Variants in RALYL observed in about 807,000 individuals in gnomAD.
RALYL encodes the protein RNA-binding Raly-like protein.
Under a neutral mutation model 35.1 loss-of-function variants are expected in RALYL, and 29 were observed. The observed-to-expected ratio is 0.83, with a 90% CI of 0.61 to 1.13. The LOEUF is 1.13. Ranked by LOEUF, RALYL falls within the 50% of genes most tolerant of loss-of-function variation. The pLI is 0.00. For missense variants in RALYL, 359 were observed against 360.4 expected (o/e 1.00, Z 0.03); for synonymous variants, 120 against 127.6 (o/e 0.94, Z 0.40).
In RALYL at chr8:84,579,565, C is replaced by G. The variant is rs57887229; in HGVS notation, c.256+49988C>G. ...TTAGTAATGGTGGTTCCAGACAGGG[C>G]TGGCATCAGCAGTACCATCAGCTTT... On this transcript the variant is annotated intron_variant, in intron 2 of 8. Coordinates refer to ENST00000521268, the MANE Select transcript of RALYL (RefSeq NM_173848.7). 9.5e-3 allele frequency among the ~76,000 whole-genome samples: 1,445 copies of G among 152,302 alleles called. 18 individuals are homozygous for G. Among genetic ancestry groups the G allele is most frequent in the African/African-American group, 0.032 (1,340 of 41,560 alleles).
intron 1 of RALYL, among the ~76,000 whole-genome samples, chr8:84,505,602 T>C (rs2057099976): frequency 1.3e-5 from 2 of 152,118 alleles, no homozygotes; most frequent in African/African-American, 4.8e-5. Flanking sequence ...TGTGCAAGTT[T>C]GTCACATGGG....
chr8:84,453,462 C>G (rs1486093188), intron 1 of RALYL, among the ~76,000 whole-genome samples: 1 of 151,874 alleles, frequency 6.6e-6, no homozygotes, highest in Non-Finnish European at 1.5e-5. Flanking sequence ...AGCTACAAAT[C>G]AAGAACACAT....
intron 2 of RALYL, among the ~76,000 whole-genome samples, chr8:84,569,169 T>C (rs2135744054): frequency 6.6e-6 from 1 of 152,164 alleles, no homozygotes; most frequent in South Asian, 2.1e-4. Context: ...TCTAGGGTTT[T>C]TATGGTTTTA....
chr8:84,683,736 G>A (rs193101160), intron 2 of RALYL, among the ~76,000 whole-genome samples: 2 of 152,168 alleles, frequency 1.3e-5, no homozygotes. Flanking sequence ...ACCCAGGCTG[G>A]AGTGCAGTGG....
At chr8:84,516,908 G>A (rs1057436051) in intron 1 of RALYL, among the ~76,000 whole-genome samples, 9 of 152,208 alleles carry the variant, frequency 5.9e-5, no homozygotes, top group African/African-American at 1.7e-4. Flanking sequence ...ACTACTTTCT[G>A]TCTCATCAGC....
intron 2 of RALYL, among the ~76,000 whole-genome samples, chr8:84,758,054 A>G (rs1811841731): frequency 1.3e-5 from 2 of 152,166 alleles, no homozygotes; most frequent in African/African-American, 4.8e-5. Flanking sequence ...ATGTGTAAAA[A>G]TTGATGAATG....
intron 2 of RALYL, among the ~76,000 whole-genome samples, chr8:84,592,709 A>G (rs1249858975): frequency 1.3e-5 from 2 of 152,174 alleles, no homozygotes; most frequent in Non-Finnish European, 2.9e-5. Context: ...CCACCAATTT[A>G]TGGTTAAACC....
chr8:84,205,167 A>T (rs1817772785), intron 1 of RALYL, among the ~76,000 whole-genome samples: 1 of 152,250 alleles, frequency 6.6e-6, no homozygotes, highest in Admixed American at 6.5e-5. Context: ...CTAATAAAAC[A>T]TATGTTGTTA....
At chr8:84,264,278 T>C (rs111370684) in intron 1 of RALYL, among the ~76,000 whole-genome samples, 21,479 of 152,040 alleles carry the variant, frequency 0.14, 2,056 homozygotes, top group African/African-American at 0.27. Context: ...CAGCATCTGT[T>C]GTTTCTTGGC....
At chr8:84,510,851 G>A (rs549904059) in intron 1 of RALYL, among the ~76,000 whole-genome samples, 2 of 151,360 alleles carry the variant, frequency 1.3e-5, no homozygotes, top group Non-Finnish European at 2.9e-5. Flanking sequence ...GGGGAAGCTT[G>A]TGATGTTTTG....
chr8:84,610,684 C>T (rs1818107574), intron 2 of RALYL, among the ~76,000 whole-genome samples: 1 of 152,062 alleles, frequency 6.6e-6, no homozygotes, highest in Non-Finnish European at 1.5e-5. Context: ...TGGAATCCTC[C>T]TCCCGCATTT....
chr8:84,809,599 T>A (rs1825446161), intron 4 of RALYL, among the ~76,000 whole-genome samples: 1 of 152,164 alleles, frequency 6.6e-6, no homozygotes, highest in South Asian at 2.1e-4. Context: ...CTGCTGTGAA[T>A]CCATCTGGTC....
At chr8:84,575,632 G>C (rs1289661795) in intron 2 of RALYL, among the ~76,000 whole-genome samples, 2 of 152,152 alleles carry the variant, frequency 1.3e-5, no homozygotes, top group Non-Finnish European at 2.9e-5. Context: ...TCTGTGCCTT[G>C]ATAGATTCAG....
At chr8:84,321,648 G>T (rs1231806637) in intron 1 of RALYL, among the ~76,000 whole-genome samples, 1 of 152,046 alleles carries the variant, frequency 6.6e-6, no homozygotes, top group Non-Finnish European at 1.5e-5. Context: ...TAAGCTGGGA[G>T]AAGGGAGAAG....
intron 1 of RALYL, among the ~76,000 whole-genome samples, chr8:84,436,095 TA>T (rs1248453957): frequency 1.3e-5 from 2 of 152,056 alleles, no homozygotes; most frequent in Admixed American, 6.6e-5. Flanking sequence ...CCTATTCACG[TA>T]AAAAAATTAG....
intron 1 of RALYL, among the ~76,000 whole-genome samples, chr8:84,299,324 G>C (rs1840336333): frequency 6.6e-6 from 1 of 152,068 alleles, no homozygotes. Context: ...AAGCCTACTT[G>C]ATCGTGGTGG....
intron 8 of RALYL, among the ~76,000 whole-genome samples, chr8:84,918,903 A>G (rs1425640431): frequency 2.6e-5 from 4 of 152,104 alleles, no homozygotes; most frequent in African/African-American, 4.8e-5. Flanking sequence ...TCTTTCCCCA[A>G]TAATTATTTT....
intron 2 of RALYL, among the ~76,000 whole-genome samples, chr8:84,617,596 C>T (rs1468674241): frequency 6.7e-6 from 1 of 148,896 alleles, no homozygotes; most frequent in Non-Finnish European, 1.5e-5. Context: ...CCTTCTCCTG[C>T]CTAATTGCCC....
At chr8:84,613,893 CT>C (rs1818868726) in intron 2 of RALYL, among the ~76,000 whole-genome samples, 1 of 148,316 alleles carries the variant, frequency 6.7e-6, no homozygotes, top group Non-Finnish European at 1.5e-5. Flanking sequence ...ATACACAAAT[CT>C]TGCCATTTAT....
Sources: gnomAD v4.1 joint callset for allele counts (sites outside exome capture counted in the v4.1 genomes callset) on GRCh38, gnomAD v4.1.1 for gene constraint, MANE v1.5 for transcripts, NCBI Gene and HGNC (gene_info 2026-07-23, HGNC 2026-07-21) for gene names.